The following SEMA5B variants were observed in gnomAD, a reference collection of about 807,000 sequenced individuals.
The protein encoded by SEMA5B is semaphorin-5B.
SEMA5B carries 66 observed loss-of-function variants against 135.0 expected under a neutral mutation model. The ratio of observed to expected loss-of-function variants is 0.49; its 90% CI spans 0.40 to 0.60. The LOEUF (loss-of-function observed/expected upper bound fraction) is 0.60, where lower values mean the gene tolerates loss of function less well. SEMA5B is among the 20% of genes least tolerant of loss of function. SEMA5B has a pLI of 0.00. For missense variants in SEMA5B, 1,501 were observed against 1,566.3 expected (o/e 0.96, Z 0.70); for synonymous variants, 690 against 639.5 (o/e 1.08, Z -1.19).
At chr3:122,956,354 C>T (rs904767137) in intron 2 of SEMA5B, among the ~76,000 whole-genome samples, 6 of 152,202 alleles carry the variant, frequency 3.9e-5, no homozygotes, top group Non-Finnish European at 1.5e-5. Flanking sequence ...CCCATGCACA[C>T]GCCCCCTGAG....
Position 122,927,944 on chromosome 3 carries a change from G to A in SEMA5B, c.696C>T (p.Asp232=). The change falls in exon 8 of 23, where the codon GAC becomes GAT. Residue 232 remains aspartate, a synonymous_variant. Coordinates refer to ENST00000357599, the MANE Select transcript of SEMA5B (RefSeq NM_001031702.4). ...TGACAGCTGTGGAGTTGTGGCGTGG[G>A]TCATAGGGGCAGCGGGCCACACCAT... ...KINGVARCPY[D]PRHNSTAVIS... is the part of the protein sequence containing the mutation. 2 of 1,584,548 alleles carry A rather than the reference G, an allele frequency of 1.3e-6. No homozygotes were observed. Among genetic ancestry groups the A allele is most frequent in the Non-Finnish European group, 1.7e-6 (2 of 1,164,438 alleles).
intron 12 of SEMA5B, among the ~76,000 whole-genome samples, chr3:122,916,771 C>T (rs1938094481): frequency 6.6e-6 from 1 of 152,120 alleles, no homozygotes; most frequent in African/African-American, 2.4e-5. Flanking sequence ...GCTTGTGCTG[C>T]TTAGTGGCAG....
At chr3:123,020,678 G>A (rs1008436033) in intron 1 of SEMA5B, among the ~76,000 whole-genome samples, 2 of 152,162 alleles carry the variant, frequency 1.3e-5, no homozygotes, top group Non-Finnish European at 2.9e-5. Flanking sequence ...CTGCCTATTC[G>A]AAGCTCAAAA....
At chr3:122,911,713 C>T (rs1256584024) in intron 20 of SEMA5B, among the ~76,000 whole-genome samples, 178 bp from the exon 21 acceptor site, 1 of 152,240 alleles carries the variant, frequency 6.6e-6, no homozygotes, top group African/African-American at 2.4e-5. Context: ...GAAGGGCTAG[C>T]CCATCCACAG....
chr3:122,986,952 T>A (rs766749080), intron 1 of SEMA5B, among the ~76,000 whole-genome samples: 1 of 151,864 alleles, frequency 6.6e-6, no homozygotes, highest in Non-Finnish European at 1.5e-5. Flanking sequence ...GGCCCGGGAT[T>A]GTGGGGAAGA....
chr3:122,912,029 G>C lies in SEMA5B; in HGVS notation c.2937C>G (p.Asp979Glu). ...SPWSEWSKCT[D>E]DGAQSRSRHC... ...GCCGGCTTCGGCTCTGGGCTCCGTC[G>C]TCAGTGCACTTACTCCACTCAGACC... Residue 979 changes from aspartate to glutamate, a missense_variant, in exon 20 of 23, where the codon GAC becomes GAG. Asp to Glu is a conservative substitution (Grantham distance 45, BLOSUM62 2). This residue lies in a region of SEMA5B where 927 missense variants were observed against 881.6 expected (regional missense o/e 1.05). Coordinates refer to ENST00000357599, the MANE Select transcript of SEMA5B (RefSeq NM_001031702.4). The C allele has an allele frequency of 5.0e-6, 8 of 1,613,826 alleles. No homozygotes were observed. The highest frequency in any genetic ancestry group is 5.9e-6 in the Non-Finnish European group (7 of 1,179,820).
chr3:123,010,102 G>T (rs899443014), intron 1 of SEMA5B, among the ~76,000 whole-genome samples: 6 of 152,204 alleles, frequency 3.9e-5, no homozygotes, highest in African/African-American at 1.4e-4. Flanking sequence ...AGGACCGGAG[G>T]TGGCTGGCTC....
intron 1 of SEMA5B, among the ~76,000 whole-genome samples, chr3:122,968,437 G>C (rs1940965435): frequency 6.6e-6 from 1 of 152,192 alleles, no homozygotes; most frequent in Admixed American, 6.5e-5. Flanking sequence ...GAGAGGGACG[G>C]TCGCCTTGGG....
intron 1 of SEMA5B, among the ~76,000 whole-genome samples, chr3:123,025,516 C>T (rs1399055261): frequency 6.6e-6 from 1 of 152,176 alleles, no homozygotes; most frequent in East Asian, 1.9e-4. Context: ...GTTAGATGTC[C>T]ACGGTGATGA....
chr3:122,910,121 C>T lies in SEMA5B; in HGVS notation c.*22G>A. ...TCTGTGCCTTATGAAGGCAAGAAGC[C>T]CAAGTCCCCAGGACGGCGGTATCAG... On this transcript the variant is annotated 3_prime_UTR_variant, in exon 23 of 23. Coordinates refer to ENST00000357599, the MANE Select transcript of SEMA5B (RefSeq NM_001031702.4). 1 of 1,610,608 alleles carries T rather than the reference C, an allele frequency of 6.2e-7. No homozygotes were observed. The highest frequency in any genetic ancestry group is 1.1e-5 in the South Asian group (1 of 90,280).
chr3:122,954,970 GTT>G (rs56870893), intron 2 of SEMA5B, among the ~76,000 whole-genome samples: 11 of 141,828 alleles, frequency 7.8e-5, no homozygotes, highest in African/African-American at 1.0e-4. Flanking sequence ...TTTGTTTTTT[GTT>G]TTTTTTTTTT....
upstream of SEMA5B, among the ~76,000 whole-genome samples, chr3:123,028,194 G>A (rs1942854259): frequency 6.6e-6 from 1 of 152,146 alleles, no homozygotes; most frequent in East Asian, 1.9e-4. Context: ...CCCCACTCCG[G>A]ACTCCCACAT....
At chr3:123,001,969 T>C (rs1942186630) in intron 1 of SEMA5B, among the ~76,000 whole-genome samples, 1 of 152,146 alleles carries the variant, frequency 6.6e-6, no homozygotes, top group Non-Finnish European at 1.5e-5. Context: ...TGAAACAATG[T>C]CAAAATAAGT....
chr3:122,919,789 C>G (rs557546466), intron 12 of SEMA5B, among the ~76,000 whole-genome samples: 1 of 152,172 alleles, frequency 6.6e-6, no homozygotes, highest in Non-Finnish European at 1.5e-5. Flanking sequence ...AGGGTTTTCA[C>G]TGTACACATC....
rs540997950 is a variant in SEMA5B, at chr3:123,014,437, G to A, written c.-39+13027C>T. Among the ~76,000 whole-genome samples the A allele has an allele frequency of 2.9e-4, 44 of 152,340 alleles. No homozygotes were observed. The South Asian group carries it at 4.8e-3, about 16-fold the overall frequency. ...CAAGCAGATCTTAAATGAAACATCC[G>A]ACAAGCTCTTCATGAAATCATTGTG... is the stretch of plus-strand genomic sequence containing the variant. On this transcript the variant is annotated intron_variant, in intron 1 of 22. Transcript: ENST00000357599.
intron 1 of SEMA5B, among the ~76,000 whole-genome samples, 193 bp from the exon 2 acceptor site, chr3:122,961,494 C>G (rs1304122311): frequency 1.3e-5 from 2 of 151,360 alleles, no homozygotes; most frequent in Non-Finnish European, 2.9e-5. Context: ...GGGTCTTGCT[C>G]TGCTGCCCAG....
intron 1 of SEMA5B, among the ~76,000 whole-genome samples, chr3:122,964,724 A>G (rs936636694): frequency 6.6e-6 from 1 of 152,158 alleles, no homozygotes; most frequent in African/African-American, 2.4e-5. Context: ...TCAAGGCCCC[A>G]TTGAACAAAT....
At chr3:122,976,091 G>A in intron 1 of SEMA5B, 1 of 1,535,248 alleles carries the variant, frequency 6.5e-7, no homozygotes, top group Non-Finnish European at 8.7e-7. Flanking sequence ...CCCTCACGCA[G>A]CCAATGGCTT....
rs115859351 is a variant in SEMA5B, at chr3:122,910,349, G to A, written c.3298-48C>T. The A allele has an allele frequency of 9.0e-4, 1,439 of 1,600,744 alleles. 11 individuals are homozygous for A. The African/African-American group carries it at 0.017, about 19-fold the overall frequency. ...GAGAAAGGGGTGAGGGAACACACAGGGGAAGGGAACAGGCCAGAGCAAGGA... is the reference window on the plus strand; with the variant it reads ...GAGAAAGGGGTGAGGGAACACACAGAGGAAGGGAACAGGCCAGAGCAAGGA... On this transcript the variant is annotated intron_variant, in intron 22 of 22. Transcript: ENST00000357599.
Sources: gnomAD v4.1 joint callset for allele counts (sites outside exome capture counted in the v4.1 genomes callset) on GRCh38, gnomAD v4.1.1 for gene constraint, gnomAD v4.1.1 regional missense constraint, MANE v1.5 for transcripts, NCBI Gene and HGNC (gene_info 2026-07-23, HGNC 2026-07-21) for gene names.